ARHGAP32: variants seen among roughly 807,000 people sequenced by gnomAD.
The protein encoded by ARHGAP32 is rho GTPase-activating protein 32.
Under a neutral mutation model 186.5 loss-of-function variants are expected in ARHGAP32, and 51 were observed. The observed-to-expected ratio is 0.27, with a 90% CI of 0.22 to 0.35. ARHGAP32 has a LOEUF of 0.35. Among genes scored for constraint, ARHGAP32 ranks in the 10% least tolerant of loss-of-function variants. The probability of loss-of-function intolerance (pLI) is 1.00; values close to 1 mark genes in which losing one functional copy is unlikely to be tolerated. For synonymous variants in ARHGAP32, 950 were observed against 964.3 expected (o/e 0.99, Z 0.27); for missense variants, 2,186 against 2,623.5 (o/e 0.83, Z 3.64).
intron 1 of ARHGAP32, among the ~76,000 whole-genome samples, chr11:129,166,672 A>T (rs1943647799): frequency 6.6e-6 from 1 of 152,094 alleles, no homozygotes; most frequent in Non-Finnish European, 1.5e-5. Flanking sequence ...TTTTGAAAGC[A>T]GGTAAAACAA....
At chr11:129,005,186 CTT>C (rs1284524618) in intron 11 of ARHGAP32, among the ~76,000 whole-genome samples, 1 of 152,054 alleles carries the variant, frequency 6.6e-6, no homozygotes, top group Non-Finnish European at 1.5e-5. Context: ...CTGTTTTTAA[CTT>C]TTTGTTGTTT....
intron 11 of ARHGAP32, among the ~76,000 whole-genome samples, chr11:129,011,718 GAATA>G (rs758110169): frequency 3.3e-5 from 5 of 151,938 alleles, no homozygotes; most frequent in Non-Finnish European, 5.9e-5. Flanking sequence ...GGAATTGGTT[GAATA>G]AATTATGGTA....
chr11:129,166,790 C>T (rs1943650318), intron 1 of ARHGAP32, among the ~76,000 whole-genome samples: 1 of 148,014 alleles, frequency 6.8e-6, no homozygotes, highest in Non-Finnish European at 1.5e-5. Flanking sequence ...ACTACAAAAA[C>T]ACATGAAAAG....
intron 1 of ARHGAP32, among the ~76,000 whole-genome samples, chr11:129,250,502 C>T (rs1945167015): frequency 6.6e-6 from 1 of 152,118 alleles, no homozygotes; most frequent in African/African-American, 2.4e-5. Flanking sequence ...TACAACACAA[C>T]TTTTAAAAAA....
At chr11:129,127,021 C>T (rs1027598328) in intron 2 of ARHGAP32, among the ~76,000 whole-genome samples, 2 of 152,086 alleles carry the variant, frequency 1.3e-5, no homozygotes, top group African/African-American at 4.8e-5. Context: ...AAAAAGAATC[C>T]ACTAGACTGA....
intron 1 of ARHGAP32, among the ~76,000 whole-genome samples, chr11:129,234,318 T>C (rs549145427): frequency 2.0e-5 from 3 of 152,188 alleles, no homozygotes; most frequent in Admixed American, 2.0e-4. Context: ...GTATATACTA[T>C]AAAAAATGAC....
In ARHGAP32 at chr11:128,986,214, A is replaced by G; in HGVS notation, c.1444-129T>C. The G allele has an allele frequency of 4.0e-6, 3 of 747,096 alleles. No homozygotes were observed. The East Asian group carries it at 8.2e-5, about 20-fold the overall frequency. 46.3% of individuals were successfully genotyped at this position (747,096 alleles called of 1,614,324 possible). On this transcript the variant is annotated intron_variant, in intron 14 of 22. Transcript: ENST00000682385. ...GGATGTGAAATGGCGAGGAAACACAACATTGTATTCAGGAAGTAAACTGTT... is the reference window on the plus strand; with the variant it reads ...GGATGTGAAATGGCGAGGAAACACAGCATTGTATTCAGGAAGTAAACTGTT...
chr11:129,278,935 C>A (rs1294219972), intron 1 of ARHGAP32, among the ~76,000 whole-genome samples: 6 of 142,230 alleles, frequency 4.2e-5, no homozygotes, highest in African/African-American at 1.5e-4. Context: ...GCGCGGGAGG[C>A]GGTGGGCCCG....
intron 11 of ARHGAP32, among the ~76,000 whole-genome samples, chr11:129,001,812 T>A (rs570931827): frequency 6.6e-5 from 10 of 152,318 alleles, no homozygotes; most frequent in African/African-American, 2.4e-4. Context: ...GGGTCTAGTT[T>A]CATTCTTCTG....
intron 1 of ARHGAP32, among the ~76,000 whole-genome samples, chr11:129,255,239 T>C (rs1165327112): frequency 1.3e-5 from 2 of 152,086 alleles, no homozygotes; most frequent in Non-Finnish European, 2.9e-5. Context: ...CCCACACGTA[T>C]GTGGTTTACC....
At chr11:129,147,601 G>A (rs1011395167) in intron 2 of ARHGAP32, among the ~76,000 whole-genome samples, 2 of 152,136 alleles carry the variant, frequency 1.3e-5, no homozygotes, top group Admixed American at 1.3e-4. Flanking sequence ...AAAAATGAGA[G>A]TAATACAGAT....
chr11:128,978,522 C>T (rs1945616294), intron 19 of ARHGAP32, among the ~76,000 whole-genome samples: 1 of 152,012 alleles, frequency 6.6e-6, no homozygotes, highest in Non-Finnish European at 1.5e-5. Flanking sequence ...AATTTAATCA[C>T]ATTTACACTA....
At position 128,974,257 on chromosome 11, in the gene ARHGAP32, G is replaced by T; in HGVS notation, c.2940C>A (p.Ala980=). ...GGACTTCAGATTCATATGCTTCTTG[G>T]GCAACTGTCTCATTTGTTTTCATCT... is the stretch of plus-strand genomic sequence containing the variant. ...IVKMKTNETV[A]QEAYESEVQP... is the part of the protein sequence containing the mutation. Residue 980 remains alanine, a synonymous_variant, in exon 21 of 23, where the codon GCC becomes GCA. Coordinates refer to ENST00000682385, the MANE Select transcript of ARHGAP32 (RefSeq NM_001378024.1). 1 of 1,614,090 alleles carries T rather than the reference G, an allele frequency of 6.2e-7. No homozygotes were observed. Among genetic ancestry groups the T allele is most frequent in the Non-Finnish European group, 8.5e-7 (1 of 1,180,018 alleles).
At chr11:129,260,235 T>A (rs772676821) in intron 1 of ARHGAP32, among the ~76,000 whole-genome samples, 2 of 152,198 alleles carry the variant, frequency 1.3e-5, no homozygotes, top group African/African-American at 2.4e-5. Flanking sequence ...TTTGTTTACG[T>A]GGGCATAAAA....
At chr11:128,991,540 A>T (rs7117848) in intron 12 of ARHGAP32, among the ~76,000 whole-genome samples, 3,201 of 152,270 alleles carry the variant, frequency 0.021, 57 homozygotes, top group African/African-American at 0.047. Flanking sequence ...TGTAAAAAAA[A>T]TCCTAGTTTT....
rs1280307110 is a variant in ARHGAP32, at chr11:129,138,310, A to C, written c.226-13416T>G. Among the ~76,000 whole-genome samples, 6 of 116,050 alleles carry C rather than the reference A, an allele frequency of 5.2e-5. No individual in the cohort carries two copies. The South Asian group carries it at 1.7e-3, about 34-fold the overall frequency. The allele number at this position is 116,050 out of a possible 152,430, so 76.1% of individuals were successfully genotyped here. On this transcript the variant is annotated intron_variant, in intron 2 of 22. Transcript: ENST00000682385. ...ACCCTTACTGGTAAAAAAAAAAAAA[A>C]AAAAAGAACAATGCCGTCTTAAAAA...
At chr11:129,086,805 AGT>A (rs1292456608) in intron 6 of ARHGAP32, among the ~76,000 whole-genome samples, 2 of 141,730 alleles carry the variant, frequency 1.4e-5, no homozygotes, top group African/African-American at 5.3e-5. Flanking sequence ...TGGGCGACAG[AGT>A]GAGACTCCAT....
At chr11:128,985,783 A>G (rs1422481109) in intron 15 of ARHGAP32, 1 of 183,790 alleles carries the variant, frequency 5.4e-6, no homozygotes, top group Non-Finnish European at 1.1e-5. Context: ...ATACATAAAC[A>G]TATACATATA....
intron 11 of ARHGAP32, chr11:129,024,184 A>G (rs921371389): frequency 6.1e-6 from 6 of 985,414 alleles, no homozygotes; most frequent in Non-Finnish European, 7.2e-6. Flanking sequence ...CTCTCAGCAC[A>G]TACTGCTTTG....
Sources: allele counts gnomAD v4.1 joint callset (sites outside exome capture counted in the v4.1 genomes callset), GRCh38; gene constraint gnomAD v4.1.1; transcripts MANE v1.5; gene names NCBI Gene and HGNC (gene_info 2026-07-23, HGNC 2026-07-21).